Variants in RPGRIP1L observed in about 807,000 individuals in gnomAD.
The protein encoded by RPGRIP1L is protein fantom.
RPGRIP1L carries 131 observed loss-of-function variants against 160.4 expected under a neutral mutation model. The ratio of observed to expected loss-of-function variants is 0.82; its 90% CI spans 0.71 to 0.94. The LOEUF is 0.94. Among genes scored for constraint, RPGRIP1L ranks in the 40% least tolerant of loss-of-function variants. The pLI is 0.00. For synonymous variants in RPGRIP1L, 510 were observed against 515.8 expected (o/e 0.99, Z 0.15); for missense variants, 1,522 against 1,535.8 (o/e 0.99, Z 0.15).
At chr16:53,698,245 G>C (rs1290354911) in intron 2 of RPGRIP1L, among the ~76,000 whole-genome samples, 1 of 150,326 alleles carries the variant, frequency 6.7e-6, no homozygotes, top group East Asian at 2.0e-4. Context: ...TCTCCGCCCG[G>C]CAGCCGACCC....
intron 2 of RPGRIP1L, among the ~76,000 whole-genome samples, chr16:53,698,684 C>T (rs548059093): frequency 1.0e-3 from 144 of 137,348 alleles, no homozygotes; most frequent in East Asian, 7.9e-3. Flanking sequence ...GTCAGCCCCC[C>T]GCCCGGCCAG....
intron 26 of RPGRIP1L, among the ~76,000 whole-genome samples, chr16:53,602,425 C>T (rs1963425291): frequency 6.6e-6 from 1 of 152,186 alleles, no homozygotes; most frequent in South Asian, 2.1e-4. Context: ...ATAAGCTAAT[C>T]CTGAAGTTTA....
intron 6 of RPGRIP1L, among the ~76,000 whole-genome samples, chr16:53,678,049 G>A (rs1485581267): frequency 6.6e-6 from 1 of 151,876 alleles, no homozygotes; most frequent in African/African-American, 2.4e-5. Flanking sequence ...TAAGTGCTTT[G>A]TAAAAATAAA....
chr16:53,649,882 C>T (rs960071744), intron 15 of RPGRIP1L, among the ~76,000 whole-genome samples: 3 of 152,160 alleles, frequency 2.0e-5, no homozygotes, highest in Non-Finnish European at 4.4e-5. Context: ...TAATTTCCAC[C>T]AATATACTCC....
Position 53,658,802 on chromosome 16 carries a change from T to C in RPGRIP1L, c.1320A>G (p.Glu440=). Residue 440 remains glutamate (E), a synonymous_variant, in exon 11 of 27, where the codon GAA becomes GAG. Transcript: ENST00000647211. ...QYLEQKQQLD[E]LKKRIKLYNQ... is the part of the protein sequence containing the mutation. ...TGTACAATTTTATGCGTTTTTTAAG[T>C]TCATCAAGTTGTTGCTTTTGTTCCA... 6.2e-7 allele frequency: 1 copy of C among 1,607,358 alleles called. No homozygotes were observed. The highest frequency in any genetic ancestry group is 1.1e-5 in the South Asian group (1 of 90,258).
At chr16:53,676,881 C>T (rs895448441) in intron 6 of RPGRIP1L, among the ~76,000 whole-genome samples, 3 of 152,180 alleles carry the variant, frequency 2.0e-5, no homozygotes, top group Non-Finnish European at 4.4e-5. Context: ...AATCCACCCG[C>T]CTCGGCCTCC....
intron 9 of RPGRIP1L, among the ~76,000 whole-genome samples, chr16:53,667,235 T>C (rs935419087): frequency 6.6e-6 from 1 of 152,206 alleles, no homozygotes; most frequent in African/African-American, 2.4e-5. Flanking sequence ...TTGCTGCTTG[T>C]GGTCACCGGC....
Position 53,636,515 on chromosome 16 carries a change from GT to G in RPGRIP1L, c.3221-4del. The G allele has an allele frequency of 6.2e-7, 1 of 1,605,632 alleles. No individual in the cohort carries two copies. The highest frequency in any genetic ancestry group is 8.5e-7 in the Non-Finnish European group (1 of 1,172,746). ...AGAAGCTGACATGTCCTCTTCAACT[GT>G]TTAAAAAATAAAAGGGTAACATTTA... is the stretch of plus-strand genomic sequence containing the variant. On this transcript the variant is annotated splice_polypyrimidine_tract_variant and splice_region_variant and intron_variant, in intron 21 of 26. Transcript: ENST00000647211.
In RPGRIP1L at chr16:53,624,626, G is replaced by A. The variant is rs544022535; in HGVS notation, c.3295-2270C>T. Among the ~76,000 whole-genome samples the A allele has an allele frequency of 8.9e-4, 135 of 152,160 alleles. 1 individual carries two copies. The South Asian group carries it at 0.027, about 30-fold the overall frequency. On this transcript the variant is annotated intron_variant, in intron 22 of 26. Transcript: ENST00000647211. ...CCGAGAAATATATAGAACTCTTGCT[G>A]TTATAGATTTTAATGAAATAAGACT...
intron 13 of RPGRIP1L, among the ~76,000 whole-genome samples, 159 bp downstream of exon 13, chr16:53,657,290 TCTAA>T (rs1967344230): frequency 6.6e-6 from 1 of 152,166 alleles, no homozygotes; most frequent in Non-Finnish European, 1.5e-5. Flanking sequence ...AACTATTTAT[TCTAA>T]CTAAGTACCT....
chr16:53,611,574 A>G (rs150781681), intron 24 of RPGRIP1L, among the ~76,000 whole-genome samples: 211 of 152,306 alleles, frequency 1.4e-3, no homozygotes, highest in Middle Eastern at 6.8e-3. Flanking sequence ...TGGGAGAGAA[A>G]CGTGCAGGGA....
At chr16:53,668,828 T>TA (rs1404205344) in intron 9 of RPGRIP1L, among the ~76,000 whole-genome samples, 1 of 152,210 alleles carries the variant, frequency 6.6e-6, no homozygotes, top group Non-Finnish European at 1.5e-5. Flanking sequence ...AAGTTATACT[T>TA]ACTTCTTGGC....
intron 24 of RPGRIP1L, among the ~76,000 whole-genome samples, chr16:53,614,145 T>A (rs1964216904): frequency 6.6e-6 from 1 of 152,216 alleles, no homozygotes; most frequent in African/African-American, 2.4e-5. Flanking sequence ...TAGATATACC[T>A]AGTCTAGGTG....
intron 26 of RPGRIP1L, 63 bp downstream of exon 26, chr16:53,605,418 A>G (rs758395370): frequency 6.3e-7 from 1 of 1,593,726 alleles, no homozygotes; most frequent in Non-Finnish European, 8.6e-7. Context: ...AGAAGGTTTT[A>G]ATAAAGAGTT....
Position 53,686,567 on chromosome 16 carries a change from A to C in RPGRIP1L, c.642T>G (p.Val214=), listed in dbSNP as rs1970032678. ...ARGEIRNLEN[V]IQSQRGQIEE... ...CTATCTGGCCTCTTTGTGACTGAAT[A>C]ACGTTTTCTCTGAAATAAAGAGCCT... Residue 214 remains valine (V), a synonymous_variant, in exon 6 of 27, where the codon GTT becomes GTG. Coordinates refer to ENST00000647211, the MANE Select transcript of RPGRIP1L (RefSeq NM_015272.5). The C allele has an allele frequency of 1.2e-6, 2 of 1,613,444 alleles. No individual in the cohort carries two copies. The highest frequency in any genetic ancestry group is 1.7e-6 in the Non-Finnish European group (2 of 1,179,722).
At chr16:53,698,153 C>T (rs1465054947) in intron 2 of RPGRIP1L, among the ~76,000 whole-genome samples, 2 of 150,384 alleles carry the variant, frequency 1.3e-5, no homozygotes, top group East Asian at 4.0e-4. Flanking sequence ...AAGTGAGGAG[C>T]CCCTCCGCCC....
At position 53,652,858 on chromosome 16, in the gene RPGRIP1L, T is replaced by G. The variant is rs386833997; in HGVS notation, c.1829A>C (p.His610Pro). 7.4e-6 allele frequency: 12 copies of G among 1,613,034 alleles called. No individual in the cohort carries two copies. The highest frequency in any genetic ancestry group is 1.7e-5 in the Admixed American group (1 of 59,824). Residue 610 changes from histidine (H) to proline (P), a missense_variant, in exon 15 of 27, where the codon CAT (histidine) becomes CCT (proline). Coordinates refer to ENST00000647211, the MANE Select transcript of RPGRIP1L (RefSeq NM_015272.5). ...LERGENLFEI[H>P]INKVTFSSEV... ...AGAAGAAAAGGTTACTTTGTTGATA[T>G]GGATTTCAAATAGATTTTCGCCTCG...
chr16:53,607,444 T>C (rs1963758654), intron 25 of RPGRIP1L, among the ~76,000 whole-genome samples: 4 of 152,156 alleles, frequency 2.6e-5, no homozygotes, highest in Admixed American at 2.6e-4. Flanking sequence ...GTAAGAGGAA[T>C]GATTATGAAA....
intron 3 of RPGRIP1L, 103 bp from the exon 4 acceptor site, chr16:53,692,467 G>C (rs1431007513): frequency 7.4e-6 from 8 of 1,084,324 alleles, no homozygotes; most frequent in Non-Finnish European, 1.1e-5. Flanking sequence ...TGCAGAACCT[G>C]AATAATAAAT....
Sources: gnomAD v4.1 joint callset for allele counts (sites outside exome capture counted in the v4.1 genomes callset) on GRCh38, gnomAD v4.1.1 for gene constraint, MANE v1.5 for transcripts, NCBI Gene and HGNC (gene_info 2026-07-23, HGNC 2026-07-21) for gene names.